IMPG1: variants seen among roughly 807,000 people sequenced by gnomAD.
IMPG1 encodes interphotoreceptor matrix proteoglycan 1.
A neutral mutation model predicts 92.0 loss-of-function variants in IMPG1; 85 were observed. The observed-to-expected ratio is 0.92, with a 90% CI of 0.78 to 1.11. The LOEUF (loss-of-function observed/expected upper bound fraction) is 1.11, where lower values mean the gene tolerates loss of function less well. Among genes scored for constraint, IMPG1 ranks in the 50% least tolerant of loss-of-function variants. The pLI is 0.00. For synonymous variants in IMPG1, 367 were observed against 334.1 expected, an observed-to-expected ratio of 1.10 and a Z score of -1.08; for missense variants, 1,022 against 956.0, an observed-to-expected ratio of 1.07 and a Z score of -0.91.
intron 1 of IMPG1, among the ~76,000 whole-genome samples, chr6:76,043,320 A>G (rs967659291): frequency 6.6e-6 from 1 of 152,142 alleles, no homozygotes; most frequent in Non-Finnish European, 1.5e-5. Flanking sequence ...TCTCAAACCC[A>G]TATCTTCTGA....
At chr6:75,933,252 G>A (rs1781692388) in intron 14 of IMPG1, among the ~76,000 whole-genome samples, 1 of 152,216 alleles carries the variant, frequency 6.6e-6, no homozygotes, top group Non-Finnish European at 1.5e-5. Flanking sequence ...ATCAAATTGT[G>A]TTTGGGTCTG....
intron 16 of IMPG1, among the ~76,000 whole-genome samples, chr6:75,923,028 T>A (rs1781456166): frequency 6.6e-6 from 1 of 152,006 alleles, no homozygotes; most frequent in Admixed American, 6.6e-5. Flanking sequence ...TTGTCCAAGG[T>A]TTTTTCCCCC....
At chr6:76,033,853 T>C (rs1783691250) in intron 4 of IMPG1, among the ~76,000 whole-genome samples, 2 of 152,230 alleles carry the variant, frequency 1.3e-5, no homozygotes, top group South Asian at 4.1e-4. Flanking sequence ...ATTCAGTTCT[T>C]GTTGAGGATA....
chr6:75,963,505 T>C (rs1339783090), intron 12 of IMPG1, among the ~76,000 whole-genome samples: 5 of 152,220 alleles, frequency 3.3e-5, no homozygotes, highest in Non-Finnish European at 5.9e-5. Context: ...TAAGAAATAA[T>C]ACAGAGAGTA....
intron 1 of IMPG1, among the ~76,000 whole-genome samples, chr6:76,056,452 T>C (rs902394166): frequency 6.6e-6 from 1 of 152,164 alleles, no homozygotes; most frequent in Non-Finnish European, 1.5e-5. Context: ...GATATTTGAG[T>C]TGTTCCCATG....
At chr6:75,977,261 T>C (rs1347191564) in intron 12 of IMPG1, among the ~76,000 whole-genome samples, 1 of 152,124 alleles carries the variant, frequency 6.6e-6, no homozygotes, top group Non-Finnish European at 1.5e-5. Flanking sequence ...GTCTTTCTAA[T>C]TGCTAGGAAC....
chr6:75,988,848 T>A (rs1235598008), intron 12 of IMPG1, among the ~76,000 whole-genome samples: 2 of 152,134 alleles, frequency 1.3e-5, no homozygotes, highest in African/African-American at 4.8e-5. Flanking sequence ...GTCCCCAGCA[T>A]TGATGTTTGT....
rs1352056650 is a variant in IMPG1, at chr6:76,022,116, T to C, written c.666A>G (p.Thr222=). Residue 222 remains threonine, a splice_region_variant and synonymous_variant, in exon 6 of 17, where the codon ACA becomes ACG. Coordinates refer to ENST00000369950, the MANE Select transcript of IMPG1 (RefSeq NM_001563.4). ...NTLNDTKMPT[T]ERETEFAVLE... ...TAGATCAACTCTAGGAACTTCTTAC[T>C]GTTGTAGGCATCTTGGTGTCGTTGA... is the stretch of plus-strand genomic sequence containing the variant. 1.3e-6 allele frequency: 2 copies of C among 1,543,148 alleles called. No homozygotes were observed. The highest frequency in any genetic ancestry group is 1.8e-6 in the Non-Finnish European group (2 of 1,121,346).
At position 75,987,354 on chromosome 6, in the gene IMPG1, C is replaced by T. The variant is rs574851028; in HGVS notation, c.1291+15564G>A. Among the ~76,000 whole-genome samples the T allele has an allele frequency of 2.7e-4, 41 of 150,414 alleles. 1 individual carries two copies. Among genetic ancestry groups the T allele is most frequent in the Admixed American group, 2.2e-3 (33 of 15,056 alleles). On this transcript the variant is annotated intron_variant, in intron 12 of 16. Transcript: ENST00000369950. Reference sequence around the variant, plus strand: ...AGTTCTAGGGTACATGTGCACAACGCGCAGGTTTGTTACATATGTATATAT... The same window carrying T: ...AGTTCTAGGGTACATGTGCACAACGTGCAGGTTTGTTACATATGTATATAT...
At chr6:75,928,201 T>A (rs1781592637) in intron 15 of IMPG1, among the ~76,000 whole-genome samples, 1 of 149,406 alleles carries the variant, frequency 6.7e-6, no homozygotes, top group Non-Finnish European at 1.5e-5. Flanking sequence ...CTTTCTTTCT[T>A]TCTTTCTTTT....
chr6:76,005,843 T>A (rs1249504637), intron 9 of IMPG1, among the ~76,000 whole-genome samples: 1 of 151,942 alleles, frequency 6.6e-6, no homozygotes, highest in South Asian at 2.1e-4. Context: ...TTCTTTCTTT[T>A]ATTTTTTTTT....
In IMPG1 at chr6:75,965,606, C is replaced by CTTTTTTTTTTT. The variant is rs35490140; in HGVS notation, c.1292-14523_1292-14513dup. ...TGTTTATATTTTCTACATACTTGTT[C>CTTTTTTTTTTT]TTTTTTTTTTTTTTTTTTTGAGACG... On this transcript the variant is annotated intron_variant, in intron 12 of 16. Transcript: ENST00000369950. Among the ~76,000 whole-genome samples, 12 of 112,516 alleles carry CTTTTTTTTTTT rather than the reference C, an allele frequency of 1.1e-4. 1 individual carries two copies. The highest frequency in any genetic ancestry group is 2.6e-4 in the East Asian group (1 of 3,816). The allele number at this position is 112,516 out of a possible 152,430, so 73.8% of individuals were successfully genotyped here.
chr6:75,928,358 C>G (rs982668886), intron 15 of IMPG1, among the ~76,000 whole-genome samples: 15 of 152,084 alleles, frequency 9.9e-5, no homozygotes, highest in African/African-American at 3.6e-4. Flanking sequence ...CGCCATCATG[C>G]CTGGCTAATT....
At chr6:75,945,030 C>T (rs765190768) in intron 14 of IMPG1, among the ~76,000 whole-genome samples, 6 of 152,162 alleles carry the variant, frequency 3.9e-5, no homozygotes, top group Non-Finnish European at 7.3e-5. Flanking sequence ...GTGAAACTGA[C>T]GTTAGCACCA....
At chr6:75,932,608 ATGT>A (rs1781683638) in intron 14 of IMPG1, among the ~76,000 whole-genome samples, 2 of 152,058 alleles carry the variant, frequency 1.3e-5, no homozygotes, top group Admixed American at 6.5e-5. Context: ...AATTTTCCCT[ATGT>A]TGTTATCATT....
intron 2 of IMPG1, among the ~76,000 whole-genome samples, chr6:76,035,704 G>A (rs939453258): frequency 1.3e-5 from 2 of 151,998 alleles, no homozygotes; most frequent in Admixed American, 6.6e-5. Flanking sequence ...CCTAAAATTG[G>A]TCTCTCTAAA....
intron 12 of IMPG1, among the ~76,000 whole-genome samples, chr6:75,999,443 A>G (rs149327350): frequency 8.8e-4 from 134 of 152,318 alleles, no homozygotes; most frequent in African/African-American, 3.0e-3. Context: ...TTATCTCAGT[A>G]ATACTGTGGT....
chr6:75,938,846 C>CAAAAA (rs1394512461), intron 14 of IMPG1, among the ~76,000 whole-genome samples: 1 of 149,942 alleles, frequency 6.7e-6, no homozygotes, highest in Non-Finnish European at 1.5e-5. Flanking sequence ...CAAAACAAAA[C>CAAAAA]AAAAAAATAC....
At chr6:76,034,042 G>A (rs1308315071) in intron 4 of IMPG1, among the ~76,000 whole-genome samples, 2 of 152,162 alleles carry the variant, frequency 1.3e-5, no homozygotes, top group South Asian at 2.1e-4. Flanking sequence ...TATAAGTGAA[G>A]GTGCACATTA....
Sources: allele counts gnomAD v4.1 joint callset (sites outside exome capture counted in the v4.1 genomes callset), GRCh38; gene constraint gnomAD v4.1.1; transcripts MANE v1.5; gene names NCBI Gene and HGNC (gene_info 2026-07-23, HGNC 2026-07-21).